SLC17A6: variants seen among roughly 807,000 people sequenced by gnomAD.
The protein encoded by SLC17A6 is solute carrier family 17 member 6.
A neutral mutation model predicts 67.1 loss-of-function variants in SLC17A6; 35 were observed. The observed-to-expected ratio is 0.52, with a 90% CI of 0.40 to 0.69. SLC17A6 has a LOEUF of 0.69. Among genes scored for constraint, SLC17A6 ranks in the 30% least tolerant of loss-of-function variants. The pLI is 0.00. For synonymous variants in SLC17A6, 285 were observed against 252.3 expected (o/e 1.13, Z -1.23); for missense variants, 588 against 723.9 (o/e 0.81, Z 2.15).
chr11:22,376,403 C>A, intron 10 of SLC17A6, 142 bp from the exon 11 acceptor site: 1 of 862,122 alleles, frequency 1.2e-6, no homozygotes, highest in Non-Finnish European at 1.8e-6. Context: ...CTCATTATAT[C>A]CCCGAGAGAA....
rs559657784 is a variant in SLC17A6, at chr11:22,343,123, C to G, written c.340-124C>G. 3 of 800,796 alleles carry G rather than the reference C, an allele frequency of 3.7e-6. No individual in the cohort carries two copies. In the African/African-American group the frequency reaches 5.2e-5, roughly 14 times the overall value. 49.6% of individuals were successfully genotyped at this position (800,796 alleles called of 1,614,324 possible). On this transcript the variant is annotated intron_variant, in intron 2 of 11. Coordinates refer to ENST00000263160, the MANE Select transcript of SLC17A6 (RefSeq NM_020346.3). Reference sequence around the variant, plus strand: ...GTTAGGAAACGAAAATGAAGCCACTCTTATCCCCAGAATGCATGAAGCGCC... The same window carrying G: ...GTTAGGAAACGAAAATGAAGCCACTGTTATCCCCAGAATGCATGAAGCGCC...
At chr11:22,373,140 A>G (rs1220337406) in intron 8 of SLC17A6, among the ~76,000 whole-genome samples, 1 of 152,220 alleles carries the variant, frequency 6.6e-6, no homozygotes, top group Non-Finnish European at 1.5e-5. Flanking sequence ...AAAGTAGTCA[A>G]AATGATTGTT....
In SLC17A6 at chr11:22,370,205, C is replaced by T. The variant is rs767596641; in HGVS notation, c.1041+17C>T. 8 of 1,580,382 alleles carry T rather than the reference C, an allele frequency of 5.1e-6. No individual in the cohort carries two copies. The highest frequency in any genetic ancestry group is 6.9e-6 in the Non-Finnish European group (8 of 1,166,212). ...ATTAGCAAGGTATGTAAAATGTATT[C>T]TTATATAAATTGTGGATTACCTGTG... On this transcript the variant is annotated intron_variant, in intron 8 of 11. Coordinates refer to ENST00000263160, the MANE Select transcript of SLC17A6 (RefSeq NM_020346.3).
rs1310955982 is a variant in SLC17A6, at chr11:22,378,668, ATC to A, written c.*930_*931del. On this transcript the variant is annotated 3_prime_UTR_variant, in exon 12 of 12. Transcript: ENST00000263160. The stretch of plus-strand genomic sequence containing the variant: ...CAAAGAAATAGAAAATGGTTTAGAT[ATC>A]TTTCTTCCTTCATAATTAAATACTA... The A allele has an allele frequency of 2.6e-5, 4 of 152,454 alleles. No homozygotes were observed. Among genetic ancestry groups the A allele is most frequent in the Non-Finnish European group, 2.9e-5 (2 of 67,948 alleles). 9.4% of individuals were successfully genotyped at this position (152,454 alleles called of 1,614,324 possible).
chr11:22,362,287 G>C (rs1015024163), intron 5 of SLC17A6: 24 of 416,384 alleles, frequency 5.8e-5, no homozygotes, highest in African/African-American at 5.1e-4. Flanking sequence ...CTAACAAAGA[G>C]ACCGCTGGCA....
intron 8 of SLC17A6, among the ~76,000 whole-genome samples, chr11:22,370,684 A>G (rs1204955387): frequency 5.9e-5 from 9 of 152,166 alleles, no homozygotes; most frequent in African/African-American, 2.2e-4. Context: ...CAATCTATTA[A>G]TTTAACAAGT....
chr11:22,369,230 G>T (rs1856146658), intron 7 of SLC17A6, among the ~76,000 whole-genome samples: 1 of 151,904 alleles, frequency 6.6e-6, no homozygotes, highest in Non-Finnish European at 1.5e-5. Flanking sequence ...TATTAGTCTT[G>T]GGGGAGAATA....
intron 3 of SLC17A6, among the ~76,000 whole-genome samples, chr11:22,346,821 A>T (rs1018620880): frequency 6.7e-6 from 1 of 148,340 alleles, no homozygotes; most frequent in Non-Finnish European, 1.5e-5. Flanking sequence ...TATATATAAT[A>T]TATGAAATAT....
chr11:22,340,181 G>A (rs961037671), intron 1 of SLC17A6, among the ~76,000 whole-genome samples: 1 of 152,072 alleles, frequency 6.6e-6, no homozygotes, highest in Non-Finnish European at 1.5e-5. Flanking sequence ...AAAACAATTG[G>A]GTGTTCACAT....
At chr11:22,352,978 A>G (rs1855958506) in intron 3 of SLC17A6, among the ~76,000 whole-genome samples, 1 of 152,226 alleles carries the variant, frequency 6.6e-6, no homozygotes, top group Non-Finnish European at 1.5e-5. Flanking sequence ...GCACTTAATG[A>G]AAGCTGCTAG....
At chr11:22,375,910 T>G (rs995900967) in intron 9 of SLC17A6, 72 bp from the exon 10 acceptor site, 1 of 961,590 alleles carries the variant, frequency 1.0e-6, no homozygotes, top group Non-Finnish European at 1.6e-6. Context: ...AGTTGGAACA[T>G]TTTTAGCAGT....
At chr11:22,343,485 C>G (rs1855842757) in intron 3 of SLC17A6, 120 bp downstream of exon 3, 1 of 750,088 alleles carries the variant, frequency 1.3e-6, no homozygotes, top group Non-Finnish European at 2.1e-6. Context: ...GCGAAGTCTT[C>G]TAGTCCCTTG....
chr11:22,346,724 T>C (rs936721853), intron 3 of SLC17A6, among the ~76,000 whole-genome samples: 5 of 151,564 alleles, frequency 3.3e-5, no homozygotes, highest in African/African-American at 1.2e-4. Flanking sequence ...TATTTACAAA[T>C]ATGAAATTCC....
intron 1 of SLC17A6, among the ~76,000 whole-genome samples, chr11:22,341,237 A>T (rs1400154332): frequency 2.6e-5 from 4 of 152,120 alleles, no homozygotes; most frequent in Admixed American, 2.6e-4. Context: ...CGGCCTGTGT[A>T]TCTCAATCAG....
At chr11:22,365,318 A>G (rs1856099192) in intron 6 of SLC17A6, among the ~76,000 whole-genome samples, 2 of 152,226 alleles carry the variant, frequency 1.3e-5, no homozygotes, top group South Asian at 4.1e-4. Flanking sequence ...CTTATTGTAT[A>G]TCAGTGCTAT....
intron 3 of SLC17A6, among the ~76,000 whole-genome samples, chr11:22,347,185 C>T (rs544827071): frequency 1.3e-5 from 2 of 151,410 alleles, no homozygotes; most frequent in African/African-American, 2.4e-5. Flanking sequence ...GAGTACCTGA[C>T]TCATGATAAA....
chr11:22,367,109 A>C (rs1441578659), intron 7 of SLC17A6, among the ~76,000 whole-genome samples: 1 of 152,042 alleles, frequency 6.6e-6, no homozygotes, highest in Admixed American at 6.6e-5. Flanking sequence ...CCTTATGCTA[A>C]GAGCTGAAAG....
chr11:22,340,454 C>T lies in SLC17A6; in HGVS notation c.87-1074C>T, dbSNP rs184380060. On this transcript the variant is annotated intron_variant, in intron 1 of 11. Coordinates refer to ENST00000263160, the MANE Select transcript of SLC17A6 (RefSeq NM_020346.3). ...TTCCCCTTTTCATTTGTCCCTTCTC[C>T]CAAGGACCAAAGCCAAAAATGAATT... Among the ~76,000 whole-genome samples, 56 of 152,262 alleles carry T rather than the reference C, an allele frequency of 3.7e-4. No homozygotes were observed. The South Asian group carries it at 6.0e-3, about 16-fold the overall frequency.
intron 3 of SLC17A6, among the ~76,000 whole-genome samples, chr11:22,354,105 C>CA (rs1249513579): frequency 1.3e-5 from 2 of 150,858 alleles, no homozygotes; most frequent in Non-Finnish European, 2.9e-5. Flanking sequence ...TTTTTTGAGA[C>CA]AGAGTTTTGC....
Sources: allele counts gnomAD v4.1 joint callset (sites outside exome capture counted in the v4.1 genomes callset), GRCh38; gene constraint gnomAD v4.1.1; transcripts MANE v1.5; gene names NCBI Gene and HGNC (gene_info 2026-07-23, HGNC 2026-07-21).